ZBTB2: variants seen among roughly 807,000 people sequenced by gnomAD.
ZBTB2 encodes the protein zinc finger and BTB domain containing 2, also known as zinc finger and BTB domain-containing protein 2.
ZBTB2 carries 2 observed loss-of-function variants against 39.5 expected under a neutral mutation model. The observed-to-expected ratio is 0.05, with a 90% CI of 0.02 to 0.16. The LOEUF is 0.16. Ranked by LOEUF, ZBTB2 falls within the 10% of genes least tolerant of loss-of-function variation. ZBTB2 has a pLI of 1.00. For missense variants in ZBTB2, 391 were observed against 653.0 expected (o/e 0.60, Z 4.37); for synonymous variants, 251 against 256.6 (o/e 0.98, Z 0.21).
At chr6:151,377,810 G>A (rs1192950150) in intron 1 of ZBTB2, among the ~76,000 whole-genome samples, 5 of 151,852 alleles carry the variant, frequency 3.3e-5, no homozygotes, top group Admixed American at 6.6e-5. Flanking sequence ...CTGGGATTAC[G>A]GACGTGAGCC....
chr6:151,378,055 T>C (rs1431525813), intron 1 of ZBTB2: 1 of 152,160 alleles, frequency 6.6e-6, no homozygotes, highest in Non-Finnish European at 1.5e-5. Context: ...AGGCATTTGA[T>C]CTGTAACCAA....
At chr6:151,390,709 G>C (rs1185938500) in intron 1 of ZBTB2, among the ~76,000 whole-genome samples, 1 of 151,822 alleles carries the variant, frequency 6.6e-6, no homozygotes, top group African/African-American at 2.4e-5. Context: ...CTGCAGCTGG[G>C]AGAAGCGCCA....
chr6:151,365,954 T>C lies in ZBTB2; in HGVS notation c.1112A>G (p.Lys371Arg). 6.2e-7 allele frequency: 1 copy of C among 1,614,182 alleles called. No individual in the cohort carries two copies. Among genetic ancestry groups the C allele is most frequent in the Non-Finnish European group, 8.5e-7 (1 of 1,180,036 alleles). ...CCTCCAGTGGCTTTTCTGGATAAATTTGCGTCCACATATTGTGCACTCGTA... is the reference window on the plus strand; with the variant it reads ...CCTCCAGTGGCTTTTCTGGATAAATCTGCGTCCACATATTGTGCACTCGTA... ...RKYECTICGR[K>R]FIQKSHWREH... The change falls in exon 3 of 3, where the codon AAA becomes AGA. Residue 371 changes from lysine to arginine, a missense_variant. Around this residue, in one of 7 missense-constraint regions of ZBTB2, gnomAD observed 17 missense variants for 67.6 expected, o/e 0.25. Transcript: ENST00000325144. This position sits in a 1 kb window ranked among gnomAD's most constrained non-coding sequence, Gnocchi z 5.6.
chr6:151,365,642 A>T lies in ZBTB2; in HGVS notation c.1424T>A (p.Val475Asp). The change falls in exon 3 of 3, where the codon GTT becomes GAT. Residue 475 changes from valine (V) to aspartate (D), a missense_variant. Physicochemically the swap from Val to Asp is radical, Grantham distance 152. This residue lies in a region of ZBTB2 where 49 missense variants were observed against 55.6 expected (regional missense o/e 0.88). Coordinates refer to ENST00000325144, the MANE Select transcript of ZBTB2 (RefSeq NM_020861.3). This position sits in a 1 kb window ranked among gnomAD's most constrained non-coding sequence, Gnocchi z 5.6. Reference protein sequence around the residue: ...KHSCQNQNSDVFALDEGRSIL... With the variant: ...KHSCQNQNSDDFALDEGRSIL... ...GGATCGCCCTTCGTCTAGGGCAAAA[A>T]CATCCGAGTTCTGGTTTTGGCATGA... 1.9e-6 allele frequency: 3 copies of T among 1,614,156 alleles called. No homozygotes were observed. The highest frequency in any genetic ancestry group is 2.5e-6 in the Non-Finnish European group (3 of 1,180,030).
At chr6:151,373,705 C>A in intron 1 of ZBTB2, 56 bp from the exon 2 acceptor site, 1 of 1,508,376 alleles carries the variant, frequency 6.6e-7, no homozygotes, top group African/African-American at 1.4e-5. Context: ...AGAATGTGTC[C>A]TTTATAGTCA....
At chr6:151,373,418 G>C in intron 2 of ZBTB2, 47 bp downstream of exon 2, 1 of 1,605,322 alleles carries the variant, frequency 6.2e-7, no homozygotes, top group Non-Finnish European at 8.5e-7. Flanking sequence ...GGACATGGAG[G>C]TTAAGAAGTC....
chr6:151,390,544 G>A (rs1200306408), intron 1 of ZBTB2, among the ~76,000 whole-genome samples: 2 of 150,448 alleles, frequency 1.3e-5, no homozygotes, highest in Non-Finnish European at 3.0e-5. Context: ...CGCCGGGGGC[G>A]GGGGTGGCCC....
intron 2 of ZBTB2, among the ~76,000 whole-genome samples, chr6:151,373,118 G>C (rs1049294241): frequency 1.7e-5 from 2 of 118,526 alleles, no homozygotes; most frequent in African/African-American, 3.3e-5. Flanking sequence ...TTGCACCACT[G>C]CACTCCAGCC....
intron 1 of ZBTB2, among the ~76,000 whole-genome samples, chr6:151,375,914 T>A (rs1778898198): frequency 6.6e-6 from 1 of 152,180 alleles, no homozygotes; most frequent in Admixed American, 6.5e-5. Flanking sequence ...GAAACCAGTC[T>A]ACCCAATTTC....
At position 151,364,762 on chromosome 6, in the gene ZBTB2, A is replaced by C. The variant is rs2114846419; in HGVS notation, c.*759T>G. 4 of 152,662 alleles carry C rather than the reference A, an allele frequency of 2.6e-5. No homozygotes were observed. The Middle Eastern group carries it at 0.01, about 389-fold the overall frequency. The allele number at this position is 152,662 out of a possible 1,614,324, so 9.5% of individuals were successfully genotyped here. A position where few individuals can be genotyped will look rare whatever the true frequency, so the allele number is the denominator to read the frequency against. Reference sequence around the variant, plus strand: ...TTAAAACAAATTTGTCAGAAACTCAAATACAGCATTTTGTTGTTGCTCAAC... The same window carrying C: ...TTAAAACAAATTTGTCAGAAACTCACATACAGCATTTTGTTGTTGCTCAAC... On this transcript the variant is annotated 3_prime_UTR_variant, in exon 3 of 3. Transcript: ENST00000325144.
intron 1 of ZBTB2, among the ~76,000 whole-genome samples, chr6:151,390,549 T>C (rs1271681995): frequency 4.1e-5 from 6 of 144,992 alleles, no homozygotes; most frequent in African/African-American, 1.3e-4. Context: ...GGGGCGGGGG[T>C]GGCCCAGACA....
intron 2 of ZBTB2, among the ~76,000 whole-genome samples, chr6:151,370,408 C>G (rs1313458581): frequency 6.6e-6 from 1 of 152,204 alleles, no homozygotes; most frequent in East Asian, 1.9e-4. Context: ...GCTATAAGCC[C>G]TTTCGTATAA....
intron 1 of ZBTB2, among the ~76,000 whole-genome samples, chr6:151,389,281 G>A (rs544717605): frequency 2.0e-5 from 3 of 151,868 alleles, no homozygotes; most frequent in Non-Finnish European, 4.4e-5. Flanking sequence ...AAAGAAAAAA[G>A]AAAAAAATGA....
In ZBTB2 at chr6:151,373,868, A is replaced by AC. The variant is rs1337227355; in HGVS notation, c.-12-220_-12-219insG. Among the ~76,000 whole-genome samples the AC allele has an allele frequency of 9.9e-3, 1,450 of 146,932 alleles. 37 individuals are homozygous for AC. Among genetic ancestry groups the AC allele is most frequent in the South Asian group, 0.025 (112 of 4,532 alleles). On this transcript the variant is annotated intron_variant, in intron 1 of 2. Transcript: ENST00000325144. ...TAAAAAAAAAAAAAAAAAAAAAAAA[A>AC]AAAAAAAAACCAGATGATGCCATTT...
At chr6:151,371,193 G>T (rs1778782010) in intron 2 of ZBTB2, among the ~76,000 whole-genome samples, 1 of 152,148 alleles carries the variant, frequency 6.6e-6, no homozygotes, top group Admixed American at 6.5e-5. Context: ...TGTCCCATCT[G>T]CTCCTCCAGA....
At chr6:151,385,692 T>C (rs1779134445) in intron 1 of ZBTB2, among the ~76,000 whole-genome samples, 1 of 152,194 alleles carries the variant, frequency 6.6e-6, no homozygotes, top group East Asian at 1.9e-4. Context: ...GGACAATCAG[T>C]AACAGCAGAG....
Position 151,365,977 on chromosome 6 carries a change from G to A in ZBTB2, c.1089C>T (p.Tyr363=), listed in dbSNP as rs767584343. ...ATTTGCGTCCACATATTGTGCACTCGTACTTCCGCCTCTTCACCTCCCTCT... is the reference window on the plus strand; with the variant it reads ...ATTTGCGTCCACATATTGTGCACTCATACTTCCGCCTCTTCACCTCCCTCT... ...DQEREVKRRK[Y]ECTICGRKFI... Residue 363 remains tyrosine, a synonymous_variant, in exon 3 of 3, where the codon TAC becomes TAT. Coordinates refer to ENST00000325144, the MANE Select transcript of ZBTB2 (RefSeq NM_020861.3). This position sits in a 1 kb window ranked among gnomAD's most constrained non-coding sequence, Gnocchi z 5.6. 1.4e-5 allele frequency: 22 copies of A among 1,614,020 alleles called. No homozygotes were observed. The highest frequency in any genetic ancestry group is 2.7e-5 in the African/African-American group (2 of 74,892).
At chr6:151,370,634 A>G (rs1778769907) in intron 2 of ZBTB2, among the ~76,000 whole-genome samples, 1 of 152,110 alleles carries the variant, frequency 6.6e-6, no homozygotes. Context: ...TAGTAGACAT[A>G]AGACAGGGAC....
intron 1 of ZBTB2, among the ~76,000 whole-genome samples, chr6:151,381,705 GCTTT>G (rs1006768459): frequency 3.3e-5 from 5 of 152,164 alleles, no homozygotes; most frequent in African/African-American, 1.2e-4. Context: ...TGCTTTCCAG[GCTTT>G]CTGATTTCAC....
Sources: allele counts gnomAD v4.1 joint callset (sites outside exome capture counted in the v4.1 genomes callset), GRCh38; gene constraint gnomAD v4.1.1; regional missense constraint gnomAD v4.1.1; non-coding constraint Gnocchi (gnomAD v3.1); transcripts MANE v1.5; gene names NCBI Gene and HGNC (gene_info 2026-07-23, HGNC 2026-07-21).